Variants in MGAT4B observed in about 807,000 individuals in gnomAD.
The protein encoded by MGAT4B is N-acetylglucosaminyltransferase IVb.
A neutral mutation model predicts 73.9 loss-of-function variants in MGAT4B; 38 were observed. The ratio of observed to expected loss-of-function variants is 0.51; its 90% confidence interval spans 0.40 to 0.67. The LOEUF is 0.67. MGAT4B is among the 30% of genes least tolerant of loss of function. The probability of loss-of-function intolerance (pLI) is 0.00; values close to 1 mark genes in which losing one functional copy is unlikely to be tolerated. For synonymous variants in MGAT4B, 373 were observed against 313.5 expected (o/e 1.19, Z -2.01); for missense variants, 686 against 735.2 (o/e 0.93, Z 0.77).
At chr5:179,804,564 C>T (rs1581981292) in intron 1 of MGAT4B, among the ~76,000 whole-genome samples, 2 of 152,324 alleles carry the variant, frequency 1.3e-5, no homozygotes, top group Admixed American at 6.5e-5. Context: ...GTCCATTTTG[C>T]GTTGGTCTAA....
At chr5:179,805,612 C>T (rs1177016503) in intron 1 of MGAT4B, among the ~76,000 whole-genome samples, 2 of 152,254 alleles carry the variant, frequency 1.3e-5, no homozygotes, top group African/African-American at 4.8e-5. Flanking sequence ...TTCCCTCGCC[C>T]TCCTCCGCAG....
chr5:179,798,768 C>G lies in MGAT4B; in HGVS notation c.1343+160G>C, dbSNP rs562457. The G allele has an allele frequency of 9.3e-3, 10,075 of 1,081,658 alleles. 612 individuals carry two copies. The African/African-American group carries it at 0.13, about 14-fold the overall frequency. The allele number at this position is 1,081,658 out of a possible 1,614,324, so 67.0% of individuals were successfully genotyped here. On this transcript the variant is annotated intron_variant, in intron 11 of 14. Coordinates refer to ENST00000292591, the MANE Select transcript of MGAT4B (RefSeq NM_014275.5). ...GGTGACAGGAAACATCCCTGAGCTCCTAGGGGCTGCCTGACTTAGTCCTCA... is the reference window on the plus strand; with the variant it reads ...GGTGACAGGAAACATCCCTGAGCTCGTAGGGGCTGCCTGACTTAGTCCTCA...
Position 179,806,567 on chromosome 5 carries a change from C to G in MGAT4B, c.17G>C (p.Gly6Ala). 1 of 1,298,504 alleles carries G rather than the reference C, an allele frequency of 7.7e-7. No individual in the cohort carries two copies. 80.4% of individuals were successfully genotyped at this position (1,298,504 alleles called of 1,614,324 possible). ...GAAGAGCAGCAGCGTCAGGAAGGTG[C>G]CATTGCGGAGCCTCATCTCCTCGGG... MRLRNGTFLTLLLFCL... is the reference protein window; with the variant it reads MRLRNATFLTLLLFCL... The change falls in exon 1 of 15, where the codon GGC (glycine) becomes GCC (alanine). Residue 6 changes from glycine (G) to alanine (A), a missense_variant. This residue lies in a region of MGAT4B where 237 missense variants were observed against 198.5 expected (regional missense o/e 1.19). Coordinates refer to ENST00000292591, the MANE Select transcript of MGAT4B (RefSeq NM_014275.5). The surrounding 1 kb of genome is among the most constrained non-coding windows in gnomAD (Gnocchi z 4.6).
Position 179,798,343 on chromosome 5 carries a change from C to T in MGAT4B, c.1510+4G>A. ...GCCCACGCTCTCCCCCAAACCCTAC[C>T]CACCGATCTGGAGGTAGCCGTCGGG... is the stretch of plus-strand genomic sequence containing the variant. On this transcript the variant is annotated splice_donor_region_variant and intron_variant, in intron 13 of 14. Coordinates refer to ENST00000292591, the MANE Select transcript of MGAT4B (RefSeq NM_014275.5). The T allele has an allele frequency of 5.6e-6, 9 of 1,613,106 alleles. No individual in the cohort carries two copies. The highest frequency in any genetic ancestry group is 7.6e-6 in the Non-Finnish European group (9 of 1,179,992).
rs371583458 is a variant in MGAT4B at position 179,801,653 on chromosome 5, C to G, written c.325G>C (p.Val109Leu). 16 of 1,606,622 alleles carry G rather than the reference C, an allele frequency of 1.0e-5. 1 individual carries two copies. In the East Asian group the frequency reaches 2.2e-4, roughly 23 times the overall value. Residue 109 changes from valine to leucine, a missense_variant, in exon 3 of 15, where the codon GTG becomes CTG. Transcript: ENST00000292591. The surrounding 1 kb of genome is among the most constrained non-coding windows in gnomAD (Gnocchi z 4.8). ...TGGAAGACGGTGGGCAGGTGCAGCACGTGCCGGTGTGAGCCGTTCCACGGC... is the reference window on the plus strand; with the variant it reads ...TGGAAGACGGTGGGCAGGTGCAGCAGGTGCCGGTGTGAGCCGTTCCACGGC... ...LKPWNGSHRH[V>L]LHLPTVFHHL...
At chr5:179,803,676 G>C (rs911918649) in intron 1 of MGAT4B, 2 of 152,258 alleles carry the variant, frequency 1.3e-5, no homozygotes, top group African/African-American at 4.8e-5. Context: ...GATGCTGCCT[G>C]AATCACCCTG....
In MGAT4B at chr5:179,801,442, G is replaced by A. The variant is rs1240922779; in HGVS notation, c.450C>T (p.Ser150=). ...GGTACGAGTGCACCTCGCGCCGCACGCTCGGGATGCCCATCACCACCGACA... is the reference window on the plus strand; with the variant it reads ...GGTACGAGTGCACCTCGCGCCGCACACTCGGGATGCCCATCACCACCGACA... ...TGVSVVMGIP[S]VRREVHSYLT... Residue 150 remains serine (S), a synonymous_variant, in exon 4 of 15, where the codon AGC becomes AGT. Coordinates refer to ENST00000292591, the MANE Select transcript of MGAT4B (RefSeq NM_014275.5). This position sits in a 1 kb window ranked among gnomAD's most constrained non-coding sequence, Gnocchi z 4.8. The A allele has an allele frequency of 3.7e-6, 6 of 1,608,440 alleles. No individual in the cohort carries two copies. Among genetic ancestry groups the A allele is most frequent in the African/African-American group, 1.3e-5 (1 of 74,874 alleles).
At chr5:179,802,078 T>C (rs1342585838) in intron 1 of MGAT4B, 109 bp from the exon 2 acceptor site, 2 of 1,588,184 alleles carry the variant, frequency 1.3e-6, no homozygotes, top group African/African-American at 2.7e-5. Context: ...AATAGCTCAT[T>C]GACATCTGTT....
At position 179,799,490 on chromosome 5, in the gene MGAT4B, G is replaced by A. The variant is rs766683938; in HGVS notation, c.1041+16C>T. 1.6e-5 allele frequency: 26 copies of A among 1,613,326 alleles called. No homozygotes were observed. Among genetic ancestry groups the A allele is most frequent in the East Asian group, 8.9e-5 (4 of 44,886 alleles). On this transcript the variant is annotated intron_variant, in intron 9 of 14. Transcript: ENST00000292591. ...CCTTGGCCCTGCCCCTGCCAGTCCC[G>A]CCAGCTCTTGCTCACCGCATCCTTC...
chr5:179,798,947 G>A lies in MGAT4B; in HGVS notation c.1324C>T (p.Gln442Ter). 1.9e-6 allele frequency: 3 copies of A among 1,613,620 alleles called. No individual in the cohort carries two copies. Among genetic ancestry groups the A allele is most frequent in the Non-Finnish European group, 1.7e-6 (2 of 1,180,036 alleles). The change falls in exon 11 of 15, where the codon CAA becomes TAA. Residue 442 changes from glutamine (Q) to a stop codon, truncating the protein, a stop_gained. Transcript: ENST00000292591. LOFTEE classifies it high-confidence loss of function. ...AGDFIRFRFF[Q>*]PLRLERFFFR... ...ACTGACCGCTCCAGTCTTAGAGGTTGGAAGAAGCGGAAGCGGATGAAGTCC... is the reference window on the plus strand; with the variant it reads ...ACTGACCGCTCCAGTCTTAGAGGTTAGAAGAAGCGGAAGCGGATGAAGTCC...
intron 1 of MGAT4B, among the ~76,000 whole-genome samples, chr5:179,805,816 G>A (rs1270213822): frequency 6.6e-6 from 1 of 152,228 alleles, no homozygotes; most frequent in Non-Finnish European, 1.5e-5. Context: ...CGCCAAGACC[G>A]GCCAGCGGGG....
At chr5:179,805,409 A>G (rs1272883827) in intron 1 of MGAT4B, 7 of 152,488 alleles carry the variant, frequency 4.6e-5, no homozygotes, top group Non-Finnish European at 8.8e-5. Context: ...ATACCCCGCC[A>G]GCACGGCCTC....
At position 179,799,576 on chromosome 5, in the gene MGAT4B, C is replaced by A. The variant is rs372811024; in HGVS notation, c.971G>T (p.Arg324Leu). 5 of 1,613,862 alleles carry A rather than the reference C, an allele frequency of 3.1e-6. No individual in the cohort carries two copies. The highest frequency in any genetic ancestry group is 1.3e-5 in the African/African-American group (1 of 74,942). Residue 324 changes from arginine (R) to leucine (L), a missense_variant, in exon 9 of 15, where the codon CGG (arginine) becomes CTG (leucine). Physicochemically the swap from Arg to Leu is moderately radical, Grantham distance 102. Around this residue, in one of 2 missense-constraint regions of MGAT4B, gnomAD observed 449 missense variants for 536.8 expected, o/e 0.84. Transcript: ENST00000292591. ...CAGGAGCCAGTCGATGGGCTTGTCC[C>A]GGTAGAACATGAGAATGAACTCTAC... ...LIVEFILMFY[R>L]DKPIDWLLDH...
chr5:179,803,333 G>A (rs1757024439), intron 1 of MGAT4B: 1 of 939,182 alleles, frequency 1.1e-6, no homozygotes, highest in African/African-American at 1.8e-5. Flanking sequence ...GCTCTGCCAG[G>A]CTCCACGCTG....
Position 179,797,976 on chromosome 5 carries a change from G to T in MGAT4B, c.*69C>A. On this transcript the variant is annotated 3_prime_UTR_variant, in exon 15 of 15. Transcript: ENST00000292591. ...GGGCCGTATCTGGCCCTCCGGGGAC[G>T]GCAGTGACGACACCCCCAGAAATGT... The T allele has an allele frequency of 6.4e-7, 1 of 1,553,224 alleles. No individual in the cohort carries two copies. The highest frequency in any genetic ancestry group is 8.7e-7 in the Non-Finnish European group (1 of 1,144,018).
chr5:179,803,109 GA>G, intron 1 of MGAT4B: 5 of 985,534 alleles, frequency 5.1e-6, no homozygotes, highest in Non-Finnish European at 6.0e-6. Flanking sequence ...GCAGGAGGTC[GA>G]AGTGCCAAGT....
chr5:179,802,714 G>T, intron 1 of MGAT4B: 2 of 986,228 alleles, frequency 2.0e-6, no homozygotes, highest in Non-Finnish European at 2.4e-6. Flanking sequence ...GGCTGTAGGT[G>T]GATGGGGCAG....
intron 1 of MGAT4B, chr5:179,802,271 C>T: frequency 2.1e-6 from 3 of 1,416,752 alleles, no homozygotes; most frequent in Non-Finnish European, 9.2e-7. Context: ...TAGGTGGATC[C>T]TAAGCAAGGG....
chr5:179,801,267 T>G lies in MGAT4B; in HGVS notation c.558+67A>C, dbSNP rs1415760515. 2.0e-6 allele frequency: 3 copies of G among 1,528,470 alleles called. No homozygotes were observed. Among genetic ancestry groups the G allele is most frequent in the Non-Finnish European group, 2.6e-6 (3 of 1,135,234 alleles). 94.7% of individuals were successfully genotyped at this position (1,528,470 alleles called of 1,614,324 possible). On this transcript the variant is annotated intron_variant, in intron 4 of 14. Coordinates refer to ENST00000292591, the MANE Select transcript of MGAT4B (RefSeq NM_014275.5). The surrounding 1 kb of genome is among the most constrained non-coding windows in gnomAD (Gnocchi z 4.8). Reference sequence around the variant, plus strand: ...ACAGCTTTCTCCTCGGAATGGTTCCTGCTGTCAGTTCTGCACCGCGGGGGC... The same window carrying G: ...ACAGCTTTCTCCTCGGAATGGTTCCGGCTGTCAGTTCTGCACCGCGGGGGC...
Sources: gnomAD v4.1 joint callset for allele counts (sites outside exome capture counted in the v4.1 genomes callset) on GRCh38, gnomAD v4.1.1 for gene constraint, gnomAD v4.1.1 regional missense constraint, Gnocchi (gnomAD v3.1) non-coding constraint, MANE v1.5 for transcripts, NCBI Gene and HGNC (gene_info 2026-07-23, HGNC 2026-07-21) for gene names.